TNS3: variants seen among roughly 807,000 people sequenced by gnomAD.
TNS3 encodes the protein tensin-3.
Under a neutral mutation model 140.9 loss-of-function variants are expected in TNS3, and 45 were observed. That is an observed-to-expected ratio of 0.32 (90% CI 0.25 to 0.41). The LOEUF (loss-of-function observed/expected upper bound fraction) is 0.41. TNS3 is among the 10% of genes least tolerant of loss of function. The pLI, the probability that TNS3 is intolerant of heterozygous loss-of-function variation, is 1.00. For synonymous variants in TNS3, 815 were observed against 788.4 expected (o/e 1.03, Z -0.56); for missense variants, 1,716 against 1,906.7 (o/e 0.90, Z 1.86).
At chr7:47,291,074 C>T (rs1785671161) in intron 27 of TNS3, among the ~76,000 whole-genome samples, 1 of 152,100 alleles carries the variant, frequency 6.6e-6, no homozygotes, top group Non-Finnish European at 1.5e-5. Flanking sequence ...AAGGAGCCAA[C>T]CTCAAAAGGC....
intron 27 of TNS3, 81 bp from the exon 28 acceptor site, chr7:47,283,946 T>C (rs1785278585): frequency 2.2e-6 from 3 of 1,350,246 alleles, no homozygotes; most frequent in Middle Eastern, 1.9e-4. Context: ...CAGTTGCTGA[T>C]GTGCAGACTG....
At chr7:47,405,814 T>A (rs1462540611) in intron 13 of TNS3, among the ~76,000 whole-genome samples, 1 of 152,120 alleles carries the variant, frequency 6.6e-6, no homozygotes, top group Non-Finnish European at 1.5e-5. Context: ...GCAACAGCAC[T>A]ATTTGTTTGT....
intron 20 of TNS3, among the ~76,000 whole-genome samples, chr7:47,328,298 C>T (rs1788140461): frequency 6.6e-6 from 1 of 152,220 alleles, no homozygotes; most frequent in African/African-American, 2.4e-5. Flanking sequence ...CCAGTCAGTG[C>T]CTCCAGACGG....
chr7:47,343,559 G>C (rs944501783), intron 20 of TNS3, among the ~76,000 whole-genome samples: 3 of 152,226 alleles, frequency 2.0e-5, no homozygotes, highest in African/African-American at 7.2e-5. Flanking sequence ...TAGGAGCCAA[G>C]TACAGTCACC....
chr7:47,557,224 A>G, intron 1 of TNS3: 1 of 437,708 alleles, frequency 2.3e-6, no homozygotes, highest in East Asian at 7.1e-5. Context: ...CGTCCTACGT[A>G]AGGGAGAGGC....
At chr7:47,566,081 G>A (rs1056121449) in intron 1 of TNS3, among the ~76,000 whole-genome samples, 1 of 152,166 alleles carries the variant, frequency 6.6e-6, no homozygotes, top group South Asian at 2.1e-4. Context: ...CTGCCGAGCC[G>A]CAACCCAAAG....
chr7:47,431,396 C>T (rs958205364), intron 8 of TNS3, among the ~76,000 whole-genome samples: 1 of 152,066 alleles, frequency 6.6e-6, no homozygotes, highest in African/African-American at 2.4e-5. Flanking sequence ...AGATCAAGAC[C>T]TTCCTGGCCA....
intron 4 of TNS3, among the ~76,000 whole-genome samples, chr7:47,478,415 C>T (rs938895183): frequency 7.0e-5 from 10 of 143,514 alleles, no homozygotes; most frequent in African/African-American, 2.5e-4. Context: ...GGGAAATACA[C>T]ACACACACAC....
At chr7:47,566,668 G>A (rs1034476406) in intron 1 of TNS3, among the ~76,000 whole-genome samples, 2 of 152,176 alleles carry the variant, frequency 1.3e-5, no homozygotes, top group African/African-American at 4.8e-5. Flanking sequence ...TTGTTAGGAG[G>A]CAGTATCAAA....
At chr7:47,421,813 A>C (rs910795927) in intron 10 of TNS3, among the ~76,000 whole-genome samples, 1 of 152,206 alleles carries the variant, frequency 6.6e-6, no homozygotes, top group Non-Finnish European at 1.5e-5. Flanking sequence ...ATGGCGTTTC[A>C]GTGTAACAAA....
intron 1 of TNS3, among the ~76,000 whole-genome samples, chr7:47,551,622 C>A (rs1007027040): frequency 1.3e-5 from 2 of 152,190 alleles, no homozygotes; most frequent in African/African-American, 4.8e-5. Context: ...ATGAGAACTA[C>A]GAAAACATTC....
intron 1 of TNS3, chr7:47,579,074 G>T (rs776936668): frequency 2.0e-5 from 3 of 152,262 alleles, no homozygotes; most frequent in African/African-American, 7.2e-5. Flanking sequence ...CAGAAAGAAA[G>T]AACTGTGTTC....
At position 47,428,833 on chromosome 7, in the gene TNS3, G is replaced by A. The variant is rs989897583; in HGVS notation, c.325-457C>T. Among the ~76,000 whole-genome samples, 15 of 152,312 alleles carry A rather than the reference G, an allele frequency of 9.8e-5. 1 individual carries two copies. Among genetic ancestry groups the A allele is most frequent in the Non-Finnish European group, 1.2e-4 (8 of 68,038 alleles). On this transcript the variant is annotated intron_variant, in intron 8 of 30. Coordinates refer to ENST00000311160, the MANE Select transcript of TNS3 (RefSeq NM_022748.12). ...ATTCCAGCTTACTGGCAGCACTGCCGGCACCTGAGCTCCACATACACCGCC... is the reference window on the plus strand; with the variant it reads ...ATTCCAGCTTACTGGCAGCACTGCCAGCACCTGAGCTCCACATACACCGCC...
chr7:47,582,579 C>A (rs138693669), upstream of TNS3: 2 of 427,908 alleles, frequency 4.7e-6, no homozygotes, highest in Non-Finnish European at 9.5e-6. Flanking sequence ...GGAGCACAGC[C>A]GCTCCGGAAA....
At chr7:47,331,822 A>C (rs1454950882) in intron 20 of TNS3, among the ~76,000 whole-genome samples, 14 of 152,256 alleles carry the variant, frequency 9.2e-5, no homozygotes, top group Admixed American at 8.5e-4. Context: ...ACATGTCTAC[A>C]TATGTGTGTC....
chr7:47,553,831 C>G (rs955262928), intron 1 of TNS3, among the ~76,000 whole-genome samples: 1 of 151,746 alleles, frequency 6.6e-6, no homozygotes, highest in Non-Finnish European at 1.5e-5. Context: ...TCTTTTTGCC[C>G]AGGCTGGAGT....
intron 1 of TNS3, among the ~76,000 whole-genome samples, chr7:47,559,064 C>T (rs921272478): frequency 6.6e-5 from 10 of 152,198 alleles, no homozygotes; most frequent in Non-Finnish European, 1.2e-4. Flanking sequence ...TTTAAATATA[C>T]AGACAGGCAG....
chr7:47,432,781 A>G (rs972872582), intron 8 of TNS3, among the ~76,000 whole-genome samples: 4 of 152,240 alleles, frequency 2.6e-5, no homozygotes, highest in African/African-American at 7.2e-5. Flanking sequence ...GAAGTAGGAC[A>G]TCTTCATATA....
chr7:47,501,851 G>A (rs1798238503), intron 3 of TNS3, among the ~76,000 whole-genome samples: 2 of 152,168 alleles, frequency 1.3e-5, no homozygotes, highest in African/African-American at 4.8e-5. Context: ...CCATGCGGGA[G>A]TCAGAGAATT....
Sources: allele counts gnomAD v4.1 joint callset (sites outside exome capture counted in the v4.1 genomes callset), GRCh38; gene constraint gnomAD v4.1.1; transcripts MANE v1.5; gene names NCBI Gene and HGNC (gene_info 2026-07-23, HGNC 2026-07-21).